Variants in PLPPR3 observed in about 807,000 individuals in gnomAD.
PLPPR3 encodes phospholipid phosphatase-related protein type 3.
Under a neutral mutation model 27.3 loss-of-function variants are expected in PLPPR3, and 14 were observed. That is an observed-to-expected ratio of 0.51 (90% CI 0.34 to 0.80). The LOEUF (loss-of-function observed/expected upper bound fraction) is 0.80, where lower values mean the gene tolerates loss of function less well. Ranked by LOEUF, PLPPR3 falls within the 30% of genes least tolerant of loss-of-function variation. The pLI is 0.01. For synonymous variants in PLPPR3, 671 were observed against 508.0 expected (o/e 1.32, Z -4.32); for missense variants, 1,287 against 1,056.9 (o/e 1.22, Z -3.02).
At position 812,628 on chromosome 19, in the gene PLPPR3, G is replaced by T; in HGVS notation, c.2099C>A (p.Ala700Glu). The T allele has an allele frequency of 1.8e-6, 2 of 1,098,456 alleles. No individual in the cohort carries two copies. Among genetic ancestry groups the T allele is most frequent in the Non-Finnish European group, 2.2e-6 (2 of 895,940 alleles). The allele number at this position is 1,098,456 out of a possible 1,614,324, so 68.0% of individuals were successfully genotyped here. A position where few individuals can be genotyped will look rare whatever the true frequency, so the allele number is the denominator to read the frequency against. The change falls in exon 8 of 8, where the codon GCG (alanine) becomes GAG (glutamate). Residue 700 changes from alanine to glutamate, a missense_variant. Transcript: ENST00000520876. ...GAAGTAGCCCTCGGCCTCCGCCTCC[G>T]CCTCGCGCTCCGCCAGCCCCAGGCC... ...AGGLGLAERE[A>E]EAEAEGYFRK...
chr19:812,580 A>T lies in PLPPR3; in HGVS notation c.2147T>A (p.Phe716Tyr). 3.9e-6 allele frequency: 2 copies of T among 506,602 alleles called. No individual in the cohort carries two copies. The highest frequency in any genetic ancestry group is 4.1e-5 in the South Asian group (1 of 24,646). The allele number at this position is 506,602 out of a possible 1,614,324, so 31.4% of individuals were successfully genotyped here. Reference sequence around the variant, plus strand: ...CCCGGCCCCGCCGCGCTAGTCGGGGAAGCGGCGCGCCTGCATCTTGCGGAA... The same window carrying T: ...CCCGGCCCCGCCGCGCTAGTCGGGGTAGCGGCGCGCCTGCATCTTGCGGAA... ...GYFRKMQARR[F>Y]PD The change falls in exon 8 of 8, where the codon TTC becomes TAC. Residue 716 changes from phenylalanine (F) to tyrosine (Y), a missense_variant. Coordinates refer to ENST00000520876, the MANE Select transcript of PLPPR3 (RefSeq NM_001270366.2).
intron 2 of PLPPR3, 70 bp from the exon 3 acceptor site, chr19:815,921 A>C (rs1243438948): frequency 6.7e-7 from 1 of 1,487,988 alleles, no homozygotes; most frequent in African/African-American, 1.4e-5. Flanking sequence ...CCCTCCATGA[A>C]TTCAGGGCCA....
rs1193074962 is a variant in PLPPR3 at position 819,133 on chromosome 19, C to T, written c.75+2352G>A. 6.5e-5 allele frequency among the ~76,000 whole-genome samples: 7 copies of T among 107,730 alleles called. 3 individuals carry two copies. Among genetic ancestry groups the T allele is most frequent in the East Asian group, 4.9e-4 (2 of 4,074 alleles). 70.7% of individuals were successfully genotyped at this position (107,730 alleles called of 152,430 possible). On this transcript the variant is annotated intron_variant, in intron 2 of 7. Transcript: ENST00000520876. ...CTGAGACTACAGGCACACACCACCA[C>T]GCTGGGCTAATTTTTGTATTTTTAG...
chr19:813,996 G>C lies in PLPPR3; in HGVS notation c.832-101C>G, dbSNP rs954837841. On this transcript the variant is annotated intron_variant, in intron 7 of 7. Coordinates refer to ENST00000520876, the MANE Select transcript of PLPPR3 (RefSeq NM_001270366.2). This position sits in a 1 kb window ranked among gnomAD's most constrained non-coding sequence, Gnocchi z 4.1. ...GGGGGGCTCTGGACCGGGGGTGGGG[G>C]CTGGCAAGCTCTTGTCCAGTGGGAC... 6.0e-6 allele frequency: 7 copies of C among 1,164,164 alleles called. No individual in the cohort carries two copies. The highest frequency in any genetic ancestry group is 3.3e-5 in the Admixed American group (1 of 30,166). 72.1% of individuals were successfully genotyped at this position (1,164,164 alleles called of 1,614,324 possible).
At chr19:821,615 G>C (rs998663586) in intron 1 of PLPPR3, 30 bp from the exon 2 acceptor site, 2 of 1,358,940 alleles carry the variant, frequency 1.5e-6, no homozygotes. Flanking sequence ...GCTGGAGGGG[G>C]GCGCGCAGGC....
intron 2 of PLPPR3, among the ~76,000 whole-genome samples, chr19:820,644 C>T (rs1402036452): frequency 6.6e-6 from 1 of 152,136 alleles, no homozygotes; most frequent in South Asian, 2.1e-4. Context: ...CCCAGCCTCC[C>T]GAGTAGCTGG....
In PLPPR3 at chr19:812,701, C is replaced by A. The variant is rs1345715872; in HGVS notation, c.2026G>T (p.Ala676Ser). Residue 676 changes from alanine to serine, a missense_variant, in exon 8 of 8, where the codon GCG (alanine) becomes TCG (serine). Coordinates refer to ENST00000520876, the MANE Select transcript of PLPPR3 (RefSeq NM_001270366.2). ...GLPPLGAADG[A>S]LGPGSRESTL... ...GACTCCCGGCTGCCCGGGCCCAGCG[C>A]CCCATCGGCCGCGCCCAGCGGGGGC... The A allele has an allele frequency of 2.6e-5, 27 of 1,051,330 alleles. No individual in the cohort carries two copies. The highest frequency in any genetic ancestry group is 4.4e-4 in the Middle Eastern group (1 of 2,254). 65.1% of individuals were successfully genotyped at this position (1,051,330 alleles called of 1,614,324 possible). A position where few individuals can be genotyped will look rare whatever the true frequency, so the allele number is the denominator to read the frequency against.
chr19:814,276 C>T (rs576257384), intron 7 of PLPPR3, among the ~76,000 whole-genome samples, 158 bp downstream of exon 7: 2 of 148,790 alleles, frequency 1.3e-5, no homozygotes, highest in South Asian at 2.1e-4. Flanking sequence ...CATGCCTCAC[C>T]CCTCAGGCTA....
rs374654300 is a variant in PLPPR3, at chr19:814,612, G to A, written c.658-5C>T. On this transcript the variant is annotated splice_region_variant and splice_polypyrimidine_tract_variant and intron_variant, in intron 6 of 7. Transcript: ENST00000520876. Reference sequence around the variant, plus strand: ...GATGACCGAGTTGAAGTACATCTGGGGCATGGGGGTTGGGGTCAGGGAGGG... The same window carrying A: ...GATGACCGAGTTGAAGTACATCTGGAGCATGGGGGTTGGGGTCAGGGAGGG... The A allele has an allele frequency of 2.0e-5, 33 of 1,611,692 alleles. No individual in the cohort carries two copies. Among genetic ancestry groups the A allele is most frequent in the Middle Eastern group, 1.6e-4 (1 of 6,084 alleles).
chr19:820,998 A>G (rs938975248), intron 2 of PLPPR3, among the ~76,000 whole-genome samples: 1 of 152,328 alleles, frequency 6.6e-6, no homozygotes, highest in Non-Finnish European at 1.5e-5. Context: ...CTATGTGCCT[A>G]ACACGTTTCC....
rs146011080 is a variant in PLPPR3 at position 816,030 on chromosome 19, C to T, written c.76-179G>A. The stretch of plus-strand genomic sequence containing the variant: ...ATCCACAGATGCTCCATCTGTAACT[C>T]GACCATCTACACATCACACACCCAC... On this transcript the variant is annotated intron_variant, in intron 2 of 7. Coordinates refer to ENST00000520876, the MANE Select transcript of PLPPR3 (RefSeq NM_001270366.2). Among the ~76,000 whole-genome samples the T allele has an allele frequency of 2.3e-3, 350 of 152,190 alleles. 1 individual carries two copies. The highest frequency in any genetic ancestry group is 0.02 in the Middle Eastern group (6 of 294).
intron 7 of PLPPR3, among the ~76,000 whole-genome samples, chr19:814,176 G>C (rs1458712245): frequency 6.6e-6 from 1 of 151,384 alleles, no homozygotes; most frequent in African/African-American, 2.4e-5. Context: ...GACACCCTGG[G>C]CACCCGTGCC....
intron 2 of PLPPR3, among the ~76,000 whole-genome samples, chr19:816,979 C>G (rs1454226109): frequency 6.8e-6 from 1 of 146,174 alleles, no homozygotes; most frequent in Non-Finnish European, 1.5e-5. Flanking sequence ...GATCACCCAT[C>G]CATCCATCCA....
At chr19:822,355 C>T (rs1054318376), upstream of PLPPR3, among the ~76,000 whole-genome samples, 17 of 150,458 alleles carry the variant, frequency 1.1e-4, no homozygotes, top group Admixed American at 2.0e-4. Context: ...CACGGTCTCT[C>T]GCCGGCTCCG....
upstream of PLPPR3, among the ~76,000 whole-genome samples, chr19:823,215 G>A (rs1228961432): frequency 6.6e-6 from 1 of 152,008 alleles, no homozygotes; most frequent in Non-Finnish European, 1.5e-5. Flanking sequence ...GCAGAGGCGG[G>A]AGGATCCCTT....
At chr19:815,981 C>CT in intron 2 of PLPPR3, 130 bp from the exon 3 acceptor site, 1 of 861,006 alleles carries the variant, frequency 1.2e-6, no homozygotes, top group Non-Finnish European at 1.8e-6. Context: ...CCCAGCCACT[C>CT]TTTCCCCCAT....
chr19:822,169 G>A (rs1261119450), upstream of PLPPR3, among the ~76,000 whole-genome samples: 1 of 151,570 alleles, frequency 6.6e-6, no homozygotes, highest in Non-Finnish European at 1.5e-5. Context: ...TCAGGTCTGC[G>A]CGAGCGGCTG....
upstream of PLPPR3, among the ~76,000 whole-genome samples, chr19:822,409 G>C (rs1394946529): frequency 6.6e-6 from 1 of 151,998 alleles, no homozygotes; most frequent in Non-Finnish European, 1.5e-5. Context: ...CGCGGAGCCC[G>C]CCGCTCGCTG....
intron 2 of PLPPR3, among the ~76,000 whole-genome samples, chr19:821,277 A>AC (rs1298703020): frequency 7.1e-6 from 1 of 140,774 alleles, no homozygotes; most frequent in Non-Finnish European, 1.5e-5. Context: ...CACGGCCTGG[A>AC]CCCCCCTCGG....
Sources: allele counts gnomAD v4.1 joint callset (sites outside exome capture counted in the v4.1 genomes callset), GRCh38; gene constraint gnomAD v4.1.1; non-coding constraint Gnocchi (gnomAD v3.1); transcripts MANE v1.5; gene names NCBI Gene and HGNC (gene_info 2026-07-23, HGNC 2026-07-21).